GMDS: variants seen among roughly 807,000 people sequenced by gnomAD.
GMDS encodes the protein GDP-mannose 4,6 dehydratase.
GMDS carries 20 observed loss-of-function variants against 49.9 expected under a neutral mutation model. The ratio of observed to expected loss-of-function variants is 0.40; its 90% confidence interval spans 0.28 to 0.58. The LOEUF is 0.58. Among genes scored for constraint, GMDS ranks in the 20% least tolerant of loss-of-function variants. The pLI, the probability that GMDS is intolerant of heterozygous loss-of-function variation, is 0.42. For synonymous variants in GMDS, 177 were observed against 178.6 expected (o/e 0.99, Z 0.07); for missense variants, 362 against 481.4 (o/e 0.75, Z 2.32).
intron 7 of GMDS, among the ~76,000 whole-genome samples, chr6:1,855,760 C>A (rs1757912069): frequency 6.6e-6 from 1 of 152,174 alleles, no homozygotes; most frequent in Admixed American, 6.5e-5. Context: ...AAAATGTACA[C>A]AAATTCACCC....
chr6:1,723,963 C>G (rs910661416), intron 9 of GMDS, among the ~76,000 whole-genome samples: 7 of 152,172 alleles, frequency 4.6e-5, no homozygotes, highest in African/African-American at 1.7e-4. Context: ...GGTTACCTTT[C>G]AACTGGAAGA....
intron 4 of GMDS, among the ~76,000 whole-genome samples, chr6:1,987,397 C>G (rs1293160933): frequency 1.3e-5 from 2 of 152,080 alleles, no homozygotes; most frequent in Non-Finnish European, 2.9e-5. Flanking sequence ...TCATTTTACT[C>G]TTTTCAGTTT....
chr6:1,926,278 T>C (rs1234244692), intron 7 of GMDS, among the ~76,000 whole-genome samples: 1 of 152,158 alleles, frequency 6.6e-6, no homozygotes, highest in Non-Finnish European at 1.5e-5. Context: ...TATGGATGGC[T>C]AAACTGAAAG....
chr6:1,883,645 C>T (rs1329675136), intron 7 of GMDS, among the ~76,000 whole-genome samples: 1 of 152,124 alleles, frequency 6.6e-6, no homozygotes, highest in African/African-American at 2.4e-5. Flanking sequence ...TTTTCACACA[C>T]ATACATATTT....
At chr6:2,208,166 G>A (rs755484897) in intron 1 of GMDS, among the ~76,000 whole-genome samples, 5 of 152,084 alleles carry the variant, frequency 3.3e-5, no homozygotes, top group Admixed American at 6.5e-5. Flanking sequence ...TGCTGATTAC[G>A]GGGTCAACGA....
chr6:1,709,034 C>T (rs1217970992), intron 9 of GMDS, among the ~76,000 whole-genome samples: 4 of 152,166 alleles, frequency 2.6e-5, no homozygotes, highest in Non-Finnish European at 4.4e-5. Context: ...CCCTGATTGC[C>T]GAGAACCGTG....
chr6:1,958,301 T>C (rs1302072003), intron 6 of GMDS, among the ~76,000 whole-genome samples: 1 of 152,048 alleles, frequency 6.6e-6, no homozygotes, highest in Non-Finnish European at 1.5e-5. Flanking sequence ...TTATTTTTTT[T>C]TTGCAGGTGG....
intron 6 of GMDS, among the ~76,000 whole-genome samples, chr6:1,933,211 C>T (rs923667834): frequency 2.0e-5 from 3 of 152,160 alleles, no homozygotes; most frequent in African/African-American, 7.2e-5. Flanking sequence ...TGAATCAGTA[C>T]ATTGTTCCTT....
chr6:2,182,491 A>G (rs576161298), intron 1 of GMDS, among the ~76,000 whole-genome samples: 6 of 152,330 alleles, frequency 3.9e-5, no homozygotes, highest in Admixed American at 1.3e-4. Context: ...CACAGCTTCA[A>G]CTGACAGGCT....
chr6:1,626,794 T>C (rs1158016206), intron 9 of GMDS, among the ~76,000 whole-genome samples: 1 of 152,248 alleles, frequency 6.6e-6, no homozygotes, highest in Non-Finnish European at 1.5e-5. Flanking sequence ...TTATGTTTCC[T>C]GTAGTTTTCT....
intron 6 of GMDS, among the ~76,000 whole-genome samples, chr6:1,938,547 A>G (rs1372361057): frequency 6.6e-6 from 1 of 152,144 alleles, no homozygotes; most frequent in African/African-American, 2.4e-5. Flanking sequence ...TCTAATTGTC[A>G]TTCCTTTGTA....
At chr6:1,869,548 T>G (rs1446472603) in intron 7 of GMDS, among the ~76,000 whole-genome samples, 1 of 152,166 alleles carries the variant, frequency 6.6e-6, no homozygotes, top group Non-Finnish European at 1.5e-5. Flanking sequence ...TATTCAGGTA[T>G]TTGGAACTGT....
At chr6:2,038,767 C>T (rs1769461024) in intron 4 of GMDS, among the ~76,000 whole-genome samples, 1 of 152,130 alleles carries the variant, frequency 6.6e-6, no homozygotes, top group Non-Finnish European at 1.5e-5. Context: ...AGTTAAAAAA[C>T]ATGAGGGTTA....
intron 9 of GMDS, among the ~76,000 whole-genome samples, chr6:1,657,723 G>A (rs1323494529): frequency 2.0e-5 from 3 of 151,942 alleles, no homozygotes; most frequent in East Asian, 3.9e-4. Context: ...AATGACAGTC[G>A]GGGGCAGGTG....
chr6:2,026,210 T>C (rs763985110), intron 4 of GMDS, among the ~76,000 whole-genome samples: 4 of 152,144 alleles, frequency 2.6e-5, no homozygotes, highest in Middle Eastern at 3.2e-3. Flanking sequence ...TTTCTGGCCA[T>C]GTGGCTCGCT....
rs142139306 is a variant in GMDS at position 1,698,169 on chromosome 6, T to C, written c.987+28247A>G. 3.2e-3 allele frequency among the ~76,000 whole-genome samples: 491 copies of C among 152,326 alleles called. 3 individuals carry two copies. The highest frequency in any genetic ancestry group is 0.011 in the African/African-American group (468 of 41,580). On this transcript the variant is annotated intron_variant, in intron 9 of 10. Transcript: ENST00000380815. ...CCGGACTCCAGTAATAACAGCCTCC[T>C]GGGGAGATTAAAGCCCTGGCAAGCA...
intron 4 of GMDS, among the ~76,000 whole-genome samples, chr6:1,972,332 T>C (rs1308915720): frequency 6.6e-6 from 1 of 150,666 alleles, no homozygotes; most frequent in Non-Finnish European, 1.5e-5. Flanking sequence ...AAATTAGCCA[T>C]ATTAGATGCC....
chr6:2,209,646 C>G (rs1233170475), intron 1 of GMDS, among the ~76,000 whole-genome samples: 5 of 151,692 alleles, frequency 3.3e-5, no homozygotes, highest in Non-Finnish European at 7.4e-5. Context: ...TTCTAGAAAA[C>G]TTCTGCTTAT....
intron 8 of GMDS, among the ~76,000 whole-genome samples, chr6:1,739,106 G>A (rs1767159182): frequency 6.6e-6 from 1 of 152,212 alleles, no homozygotes; most frequent in South Asian, 2.1e-4. Context: ...ATGAAGACCT[G>A]GGTCTGTGTT....
Sources: gnomAD v4.1 joint callset for allele counts (sites outside exome capture counted in the v4.1 genomes callset) on GRCh38, gnomAD v4.1.1 for gene constraint, MANE v1.5 for transcripts, NCBI Gene and HGNC (gene_info 2026-07-23, HGNC 2026-07-21) for gene names.